MTM1: variants seen among roughly 807,000 people sequenced by gnomAD.
MTM1 encodes myotubularin 1.
Under a neutral mutation model 52.1 loss-of-function variants are expected in MTM1, and 9 were observed. That is an observed-to-expected ratio of 0.17 (90% confidence interval 0.10 to 0.30). The LOEUF is 0.30. Among genes scored for constraint, MTM1 ranks in the 10% least tolerant of loss-of-function variants. The probability of loss-of-function intolerance (pLI) is 1.00; values close to 1 mark genes in which losing one functional copy is unlikely to be tolerated. For missense variants in MTM1, 277 were observed against 470.7 expected (o/e 0.59, Z 3.81); for synonymous variants, 136 against 163.8 (o/e 0.83, Z 1.29).
chrX:150,651,781 A>C (rs1450409123), intron 10 of MTM1, among the ~76,000 whole-genome samples: 1 of 111,405 alleles, frequency 9.0e-6, no homozygotes, highest in Non-Finnish European at 1.9e-5. Flanking sequence ...GGAAAAGATC[A>C]GAGGACTTTG....
intron 2 of MTM1, among the ~76,000 whole-genome samples, chrX:150,596,076 T>G (rs1318787108): frequency 8.9e-6 from 1 of 111,890 alleles, no homozygotes; most frequent in Non-Finnish European, 1.9e-5. Context: ...ATGGCTGTGC[T>G]GTTATTCAGT....
intron 1 of MTM1, among the ~76,000 whole-genome samples, chrX:150,580,647 C>G (rs7878224): frequency 0.4 from 43,222 of 109,408 alleles, 6,188 homozygotes; most frequent in South Asian, 0.55. Flanking sequence ...AACAAGGATA[C>G]GTGGTTGTTT....
chrX:150,596,660 A>G, intron 3 of MTM1, 90 bp downstream of exon 3: 1 of 703,540 alleles, frequency 1.4e-6, no homozygotes, highest in Non-Finnish European at 2.3e-6. Context: ...TTTAGCAGTC[A>G]GGCTTAGACA....
chrX:150,661,288 T>A (rs1557414677), intron 13 of MTM1, among the ~76,000 whole-genome samples: 1 of 111,738 alleles, frequency 8.9e-6, no homozygotes. Flanking sequence ...CCTCCCAAAG[T>A]GCTGGGATTG....
chrX:150,637,681 T>G (rs898983760), intron 6 of MTM1, among the ~76,000 whole-genome samples: 1 of 111,808 alleles, frequency 8.9e-6, no homozygotes, highest in Admixed American at 9.4e-5. Flanking sequence ...TGATTAAGAT[T>G]ATTGGATCAG....
At chrX:150,582,735 C>CA (rs2038608275) in intron 1 of MTM1, among the ~76,000 whole-genome samples, 2 of 110,724 alleles carry the variant, frequency 1.8e-5, no homozygotes, top group Non-Finnish European at 3.8e-5. Flanking sequence ...TAGGGAGAGG[C>CA]AAGGAAGCAT....
intron 14 of MTM1, among the ~76,000 whole-genome samples, chrX:150,665,293 G>A (rs1380437221): frequency 8.9e-6 from 1 of 112,194 alleles, no homozygotes; most frequent in Non-Finnish European, 1.9e-5. Context: ...GGCACTAGGG[G>A]GATGCAGAGA....
Position 150,639,033 on chromosome X carries a change from T to C in MTM1, c.528+7T>C, listed in dbSNP as rs782460237. 3.5e-6 allele frequency: 4 copies of C among 1,147,188 alleles called. No individual in the cohort carries two copies. Among genetic ancestry groups the C allele is most frequent in the Non-Finnish European group, 4.8e-6 (4 of 836,536 alleles). The allele number at this position is 1,147,188 out of a possible 1,213,427, so 94.5% of individuals were successfully genotyped here. On this transcript the variant is annotated splice_region_variant and intron_variant, in intron 7 of 14. Coordinates refer to ENST00000370396, the MANE Select transcript of MTM1 (RefSeq NM_000252.3). ...GGAAGAATACAGGAGGCAGGTAAGA[T>C]GTTAGATGCTATTGTCTGGTATGTG...
chrX:150,670,892 T>G (rs2040385423), intron 14 of MTM1, among the ~76,000 whole-genome samples: 1 of 112,122 alleles, frequency 8.9e-6, no homozygotes, highest in Non-Finnish European at 1.9e-5. Context: ...GTTTATTCCT[T>G]CAATGCAACT....
At chrX:150,613,595 G>A (rs971367518) in intron 4 of MTM1, among the ~76,000 whole-genome samples, 2 of 111,771 alleles carry the variant, frequency 1.8e-5, no homozygotes, top group South Asian at 3.8e-4. Context: ...GCATTGCCTC[G>A]AGTCTCAACC....
At chrX:150,578,931 G>A (rs782772330) in intron 1 of MTM1, among the ~76,000 whole-genome samples, 28 of 109,614 alleles carry the variant, frequency 2.6e-4, no homozygotes, top group Middle Eastern at 9.3e-3. Context: ...ATTTTGATAG[G>A]GATTTCATTG....
intron 13 of MTM1, 136 bp from the exon 14 acceptor site, chrX:150,663,297 T>G: frequency 3.8e-5 from 26 of 691,431 alleles, no homozygotes; most frequent in Non-Finnish European, 5.3e-5. Flanking sequence ...TGAGGCTTTT[T>G]GAGCTATTAT....
intron 14 of MTM1, among the ~76,000 whole-genome samples, chrX:150,667,265 C>T (rs782189519): frequency 8.9e-5 from 10 of 111,735 alleles, no homozygotes; most frequent in Non-Finnish European, 1.9e-4. Context: ...GGCCTCTGCT[C>T]TTCTTCAGGC....
At chrX:150,598,717 C>A in intron 4 of MTM1, 31 bp downstream of exon 4, 3 of 949,046 alleles carry the variant, frequency 3.2e-6, no homozygotes, top group Non-Finnish European at 3.0e-6. Context: ...TAAAGATGAC[C>A]CTAACTGTTA....
chrX:150,654,196 A>G (rs1165052559), intron 10 of MTM1, among the ~76,000 whole-genome samples: 1 of 112,142 alleles, frequency 8.9e-6, no homozygotes, highest in African/African-American at 3.2e-5. Context: ...GTCAGAAGTG[A>G]TCGTGGGAAT....
intron 1 of MTM1, among the ~76,000 whole-genome samples, chrX:150,574,969 T>C (rs1202825988): frequency 8.9e-6 from 1 of 112,220 alleles, no homozygotes; most frequent in African/African-American, 3.2e-5. Flanking sequence ...CTGAAGCGTT[T>C]AGGAAGCAGT....
At chrX:150,661,256 T>A (rs1374276224) in intron 13 of MTM1, among the ~76,000 whole-genome samples, 4 of 110,872 alleles carry the variant, frequency 3.6e-5, no homozygotes, top group Non-Finnish European at 7.6e-5. Flanking sequence ...ACTCCTGAGC[T>A]CAAGTGATCC....
At chrX:150,661,688 C>T (rs1557414699) in intron 13 of MTM1, among the ~76,000 whole-genome samples, 2 of 111,543 alleles carry the variant, frequency 1.8e-5, no homozygotes, top group African/African-American at 6.5e-5. Context: ...CACAGAAAGA[C>T]AAATACCACA....
At chrX:150,597,818 G>T (rs1295440720) in intron 3 of MTM1, among the ~76,000 whole-genome samples, 1 of 111,852 alleles carries the variant, frequency 8.9e-6, no homozygotes. Context: ...TTGGTGCGGT[G>T]GCTCACACCT....
Sources: gnomAD v4.1 joint callset for allele counts (sites outside exome capture counted in the v4.1 genomes callset) on GRCh38, gnomAD v4.1.1 for gene constraint, MANE v1.5 for transcripts, NCBI Gene and HGNC (gene_info 2026-07-23, HGNC 2026-07-21) for gene names.